NKAIN1: variants seen among roughly 807,000 people sequenced by gnomAD.
The protein encoded by NKAIN1 is sodium/potassium transporting ATPase interacting 1.
NKAIN1 carries 13 observed loss-of-function variants against 31.6 expected under a neutral mutation model. The observed-to-expected ratio is 0.41, with a 90% CI of 0.27 to 0.65. NKAIN1 has a LOEUF of 0.65. Among genes scored for constraint, NKAIN1 ranks in the 30% least tolerant of loss-of-function variants. NKAIN1 has a pLI of 0.30. For synonymous variants in NKAIN1, 104 were observed against 109.0 expected, an observed-to-expected ratio of 0.95 and a Z score of 0.28; for missense variants, 193 against 262.2, an observed-to-expected ratio of 0.74 and a Z score of 1.82.
intron 1 of NKAIN1, among the ~76,000 whole-genome samples, chr1:31,216,500 A>C (rs1645513091): frequency 6.6e-6 from 1 of 152,140 alleles, no homozygotes; most frequent in African/African-American, 2.4e-5. Context: ...GAAAGCACTG[A>C]AGCACACCAA....
chr1:31,227,912 G>T (rs1645620147), intron 1 of NKAIN1, among the ~76,000 whole-genome samples: 1 of 152,138 alleles, frequency 6.6e-6, no homozygotes, highest in Non-Finnish European at 1.5e-5. Context: ...GTCCAGGGAG[G>T]GTTGCCCCAC....
At chr1:31,213,919 G>A (rs985178921) in intron 1 of NKAIN1, among the ~76,000 whole-genome samples, 9 of 151,778 alleles carry the variant, frequency 5.9e-5, no homozygotes, top group Admixed American at 4.0e-4. Context: ...GCTTGAGCCC[G>A]GGAGATTGAG....
chr1:31,190,067 A>T (rs529902005), intron 1 of NKAIN1, among the ~76,000 whole-genome samples: 1 of 152,364 alleles, frequency 6.6e-6, no homozygotes, highest in African/African-American at 2.4e-5. Flanking sequence ...ATTTGCAACA[A>T]AGAGTCCTAA....
intron 1 of NKAIN1, among the ~76,000 whole-genome samples, chr1:31,204,829 G>T (rs528146914): frequency 9.5e-4 from 145 of 152,218 alleles, no homozygotes; most frequent in Admixed American, 3.9e-3. Context: ...TGGCTAGAGG[G>T]ATGGAAGTGA....
chr1:31,216,233 C>T (rs528104182), intron 1 of NKAIN1, among the ~76,000 whole-genome samples: 82 of 152,024 alleles, frequency 5.4e-4, no homozygotes, highest in Non-Finnish European at 7.2e-4. Context: ...AAGCAATTGC[C>T]GTCTGCACGT....
chr1:31,186,399 T>G (rs561618452), intron 2 of NKAIN1, among the ~76,000 whole-genome samples: 2 of 148,124 alleles, frequency 1.4e-5, no homozygotes, highest in African/African-American at 5.1e-5. Flanking sequence ...TTTGTGTTTT[T>G]TTTTTTTTTT....
intron 1 of NKAIN1, among the ~76,000 whole-genome samples, chr1:31,213,056 T>G (rs1286763375): frequency 8.5e-6 from 1 of 118,176 alleles, no homozygotes; most frequent in Non-Finnish European, 1.9e-5. Flanking sequence ...TTTTTTTTTT[T>G]GAAAAACATT....
chr1:31,229,747 A>C (rs1645632010), intron 1 of NKAIN1, among the ~76,000 whole-genome samples: 1 of 151,932 alleles, frequency 6.6e-6, no homozygotes, highest in Non-Finnish European at 1.5e-5. Flanking sequence ...CCAGGCCCTG[A>C]CACTCCATCA....
intron 2 of NKAIN1, among the ~76,000 whole-genome samples, chr1:31,186,403 T>G (rs1289483476): frequency 2.7e-5 from 4 of 148,700 alleles, no homozygotes; most frequent in Non-Finnish European, 3.0e-5. Flanking sequence ...TGTTTTTTTT[T>G]TTTTTTTTTT....
At chr1:31,226,922 C>T (rs1260819066) in intron 1 of NKAIN1, among the ~76,000 whole-genome samples, 1 of 151,636 alleles carries the variant, frequency 6.6e-6, no homozygotes, top group African/African-American at 2.4e-5. Flanking sequence ...CTCTCGGGTT[C>T]AAGGTGATTC....
At chr1:31,232,398 T>C (rs115518018) in intron 1 of NKAIN1, among the ~76,000 whole-genome samples, 1,347 of 16,414 alleles carry the variant, frequency 0.082, 79 homozygotes, top group African/African-American at 0.26. Flanking sequence ...GCCTACTTCA[T>C]ATATATATAT....
chr1:31,196,285 G>T (rs1410988429), intron 1 of NKAIN1, among the ~76,000 whole-genome samples: 1 of 152,136 alleles, frequency 6.6e-6, no homozygotes. Flanking sequence ...AGGCCGAGGC[G>T]GGTGGATCAC....
intron 1 of NKAIN1, among the ~76,000 whole-genome samples, chr1:31,210,359 G>A (rs1388024295): frequency 1.3e-5 from 2 of 150,754 alleles, no homozygotes; most frequent in South Asian, 4.2e-4. Flanking sequence ...CACCATGTTG[G>A]CTCACTGCAA....
At chr1:31,208,629 T>A (rs1645441579) in intron 1 of NKAIN1, among the ~76,000 whole-genome samples, 1 of 76,252 alleles carries the variant, frequency 1.3e-5, no homozygotes, top group Non-Finnish European at 3.5e-5. Context: ...CCCCACATAG[T>A]GGGGGGAGGG....
At position 31,225,791 on chromosome 1, in the gene NKAIN1, A is replaced by T. The variant is rs1055213061; in HGVS notation, c.54+13703T>A. Among the ~76,000 whole-genome samples, 8 of 152,208 alleles carry T rather than the reference A, an allele frequency of 5.3e-5. No individual in the cohort carries two copies. In the East Asian group the frequency reaches 1.5e-3, roughly 29 times the overall value. The stretch of plus-strand genomic sequence containing the variant: ...CTCTCAGGTGGGCACTGTCTCCCTC[A>T]GATTACCCCTCCATTCAAATGCCTC... On this transcript the variant is annotated intron_variant, in intron 1 of 6. Transcript: ENST00000373736.
At chr1:31,196,844 C>A (rs1017471830) in intron 1 of NKAIN1, among the ~76,000 whole-genome samples, 2 of 152,200 alleles carry the variant, frequency 1.3e-5, no homozygotes, top group African/African-American at 2.4e-5. Flanking sequence ...CCCCATGGCA[C>A]CGTCCCAGAG....
chr1:31,211,954 A>G (rs1037938816), intron 1 of NKAIN1, among the ~76,000 whole-genome samples: 1 of 152,120 alleles, frequency 6.6e-6, no homozygotes. Context: ...AAACAAAACA[A>G]AACAAAACAA....
At chr1:31,182,474 AG>A (rs982990339) in intron 5 of NKAIN1, 55 bp downstream of exon 5, 13 of 1,596,388 alleles carry the variant, frequency 8.1e-6, no homozygotes, top group Admixed American at 3.3e-5. Context: ...GCCTCTGTCC[AG>A]GGTGCTGAAG....
chr1:31,203,064 G>A (rs1273438630), intron 1 of NKAIN1, among the ~76,000 whole-genome samples: 1 of 147,990 alleles, frequency 6.8e-6, no homozygotes, highest in Non-Finnish European at 1.5e-5. Context: ...CCTGAGGTCA[G>A]GAGTTCGAGA....
Sources: gnomAD v4.1 joint callset for allele counts (sites outside exome capture counted in the v4.1 genomes callset) on GRCh38, gnomAD v4.1.1 for gene constraint, MANE v1.5 for transcripts, NCBI Gene and HGNC (gene_info 2026-07-23, HGNC 2026-07-21) for gene names.